Variants in ASH2L observed in about 807,000 individuals in gnomAD.
The protein encoded by ASH2L is ASH2 like, histone lysine methyltransferase complex subunit.
Under a neutral mutation model 81.1 loss-of-function variants are expected in ASH2L, and 30 were observed. The observed-to-expected ratio is 0.37, with a 90% CI of 0.28 to 0.50. The LOEUF is 0.50. ASH2L is among the 20% of genes least tolerant of loss of function. ASH2L has a pLI of 0.95. For missense variants in ASH2L, 559 were observed against 792.1 expected (o/e 0.71, Z 3.53); for synonymous variants, 273 against 279.9 (o/e 0.98, Z 0.24).
chr8:38,105,586 G>A lies in ASH2L; in HGVS notation c.36G>A (p.Ala12=), dbSNP rs772430433. The A allele has an allele frequency of 5.0e-6, 8 of 1,590,864 alleles. No homozygotes were observed. The highest frequency in any genetic ancestry group is 1.7e-6 in the Non-Finnish European group (2 of 1,167,870). The part of the protein sequence containing the change: ...AAAGAGPGQE[A]GAGPGPGAVA... ...CAGGAGCAGGACCTGGCCAGGAAGCGGGTGCCGGGCCTGGCCCAGGAGCGG... is the reference window on the plus strand; with the variant it reads ...CAGGAGCAGGACCTGGCCAGGAAGCAGGTGCCGGGCCTGGCCCAGGAGCGG... The change falls in exon 1 of 16, where the codon GCG becomes GCA. Residue 12 remains alanine (A), a synonymous_variant. Coordinates refer to ENST00000343823, the MANE Select transcript of ASH2L (RefSeq NM_004674.5).
intron 3 of ASH2L, 124 bp from the exon 4 acceptor site, chr8:38,110,255 T>C: frequency 1.4e-6 from 1 of 726,484 alleles, no homozygotes; most frequent in South Asian, 1.6e-5. Flanking sequence ...AAGTCTGCAG[T>C]GAGCTATGAT....
intron 10 of ASH2L, among the ~76,000 whole-genome samples, chr8:38,125,052 C>G (rs1397618330): frequency 6.6e-6 from 1 of 152,076 alleles, no homozygotes. Flanking sequence ...CACTCACATC[C>G]CCACATTCCG....
intron 1 of ASH2L, chr8:38,106,161 G>C (rs905243953): frequency 7.6e-5 from 117 of 1,531,500 alleles, no homozygotes; most frequent in Non-Finnish European, 9.9e-5. Context: ...TGTAAAGGCC[G>C]GTTAGGCTTC....
At chr8:38,107,253 G>T in intron 3 of ASH2L, 87 bp downstream of exon 3, 2 of 1,541,622 alleles carry the variant, frequency 1.3e-6, no homozygotes, top group South Asian at 2.3e-5. Flanking sequence ...CAAAATAAAT[G>T]CAAAGTATTT....
At chr8:38,108,688 G>A (rs1810555332) in intron 3 of ASH2L, among the ~76,000 whole-genome samples, 1 of 152,024 alleles carries the variant, frequency 6.6e-6, no homozygotes, top group Non-Finnish European at 1.5e-5. Flanking sequence ...GGGCACAGTG[G>A]TGCGTGCCTG....
chr8:38,106,290 C>A, intron 1 of ASH2L, 88 bp from the exon 2 acceptor site: 3 of 1,425,098 alleles, frequency 2.1e-6, no homozygotes, highest in Non-Finnish European at 3.0e-6. Flanking sequence ...GTATGAAGTT[C>A]GGCTGTAATT....
At chr8:38,106,730 C>G (rs1027330800) in intron 2 of ASH2L, among the ~76,000 whole-genome samples, 1 of 151,876 alleles carries the variant, frequency 6.6e-6, no homozygotes, top group African/African-American at 2.4e-5. Context: ...AGGCTGGTCT[C>G]GAACTCCTAA....
intron 7 of ASH2L, 67 bp from the exon 8 acceptor site, chr8:38,116,581 CTT>C: frequency 1.6e-6 from 2 of 1,226,654 alleles, no homozygotes; most frequent in South Asian, 2.6e-5. Context: ...TAGAATTTCT[CTT>C]GTTTTATGAG....
At chr8:38,110,873 GT>G in intron 5 of ASH2L, 40 bp downstream of exon 5, 1 of 1,537,676 alleles carries the variant, frequency 6.5e-7, no homozygotes, top group African/African-American at 1.4e-5. Flanking sequence ...ATATTGAAGA[GT>G]TAGGTGGAAC....
At chr8:38,126,362 G>A (rs1801844386) in intron 10 of ASH2L, among the ~76,000 whole-genome samples, 1 of 152,142 alleles carries the variant, frequency 6.6e-6, no homozygotes, top group Non-Finnish European at 1.5e-5. Context: ...AGTGAAATGT[G>A]GAATCTAGGA....
At chr8:38,114,160 C>T in intron 5 of ASH2L, 32 bp from the exon 6 acceptor site, 1 of 1,225,768 alleles carries the variant, frequency 8.2e-7, no homozygotes, top group Non-Finnish European at 1.2e-6. Context: ...TTGATTGCAG[C>T]AGTAATAGTC....
intron 10 of ASH2L, among the ~76,000 whole-genome samples, chr8:38,122,988 G>A (rs1232278476): frequency 1.3e-5 from 2 of 151,530 alleles, no homozygotes; most frequent in Non-Finnish European, 2.9e-5. Flanking sequence ...GGCTCAAGCC[G>A]TCATCCTGCC....
At chr8:38,114,691 A>C (rs545042584) in intron 6 of ASH2L, 450 of 523,208 alleles carry the variant, frequency 8.6e-4, no homozygotes, top group Non-Finnish European at 1.4e-3. Context: ...AAATAGAAGG[A>C]TAGGTGAGGA....
At chr8:38,129,290 A>G (rs529381135) in intron 12 of ASH2L, among the ~76,000 whole-genome samples, 28 of 152,294 alleles carry the variant, frequency 1.8e-4, no homozygotes, top group Non-Finnish European at 3.7e-4. Flanking sequence ...AAGTACACAA[A>G]TTTTAAGTGT....
chr8:38,135,690 T>A lies in ASH2L; in HGVS notation c.1643T>A (p.Val548Asp). Residue 548 changes from valine to aspartate, a missense_variant, in exon 14 of 16, where the codon GTC (valine) becomes GAC (aspartate). By Grantham distance (152) the Val-to-Asp change is radical (BLOSUM62 -3). Transcript: ENST00000343823. ...CAGATAATATTTTATAAAAATGGTG[T>A]CAATCAAGGTGTGGCTTACAAAGAT... ...HSEIIFYKNG[V>D]NQGVAYKDIF... The A allele has an allele frequency of 6.2e-7, 1 of 1,612,134 alleles. No homozygotes were observed. The highest frequency in any genetic ancestry group is 8.5e-7 in the Non-Finnish European group (1 of 1,178,694).
intron 13 of ASH2L, among the ~76,000 whole-genome samples, chr8:38,134,185 G>A (rs980845618): frequency 6.6e-5 from 10 of 152,128 alleles, no homozygotes; most frequent in Non-Finnish European, 1.3e-4. Flanking sequence ...CAAACACTGC[G>A]GAAGGCCGCA....
intron 9 of ASH2L, among the ~76,000 whole-genome samples, chr8:38,120,724 A>G (rs150222769): frequency 6.7e-6 from 1 of 150,288 alleles, no homozygotes; most frequent in African/African-American, 2.4e-5. Flanking sequence ...TAATTTCACC[A>G]AAACTACCTT....
At chr8:38,134,597 C>A (rs183895063) in intron 13 of ASH2L, among the ~76,000 whole-genome samples, 5 of 151,902 alleles carry the variant, frequency 3.3e-5, no homozygotes, top group Admixed American at 1.3e-4. Context: ...TCTGGGCCAG[C>A]CACAAGCACC....
intron 1 of ASH2L, 92 bp from the exon 2 acceptor site, chr8:38,106,286 A>G (rs1489766350): frequency 7.1e-7 from 1 of 1,413,888 alleles, no homozygotes; most frequent in Non-Finnish European, 1.0e-6. Flanking sequence ...AGGAGTATGA[A>G]GTTCGGCTGT....
Sources: allele counts gnomAD v4.1 joint callset (sites outside exome capture counted in the v4.1 genomes callset), GRCh38; gene constraint gnomAD v4.1.1; transcripts MANE v1.5; gene names NCBI Gene and HGNC (gene_info 2026-07-23, HGNC 2026-07-21).